Variants in DROSHA observed in about 807,000 individuals in gnomAD.
The protein encoded by DROSHA is ribonuclease 3.
Under a neutral mutation model 181.9 loss-of-function variants are expected in DROSHA, and 56 were observed. The observed-to-expected ratio is 0.31, with a 90% CI of 0.25 to 0.38. The LOEUF (loss-of-function observed/expected upper bound fraction) is 0.38, where lower values mean the gene tolerates loss of function less well. Ranked by LOEUF, DROSHA falls within the 10% of genes least tolerant of loss-of-function variation. The pLI is 1.00. For synonymous variants in DROSHA, 524 were observed against 591.2 expected (o/e 0.89, Z 1.65); for missense variants, 1,218 against 1,743.5 (o/e 0.70, Z 5.37).
At chr5:31,494,767 T>C (rs914318479) in intron 12 of DROSHA, among the ~76,000 whole-genome samples, 1 of 152,058 alleles carries the variant, frequency 6.6e-6, no homozygotes, top group Non-Finnish European at 1.5e-5. Context: ...CTCTGCCTCC[T>C]GGGTTCACGC....
intron 16 of DROSHA, among the ~76,000 whole-genome samples, chr5:31,473,323 TGAGAGAAAA>T (rs1403914429): frequency 1.3e-5 from 2 of 152,216 alleles, no homozygotes; most frequent in Non-Finnish European, 2.9e-5. Context: ...ACTGCATGTC[TGAGAGAAAA>T]GAGAGAAAAT....
intron 5 of DROSHA, among the ~76,000 whole-genome samples, chr5:31,523,660 A>T (rs764270198): frequency 2.6e-5 from 4 of 152,206 alleles, no homozygotes; most frequent in Non-Finnish European, 1.5e-5. Context: ...TAACATTTGC[A>T]CTATAAAACT....
chr5:31,437,431 T>C (rs1745005626), intron 23 of DROSHA, 133 bp from the exon 24 acceptor site: 5 of 785,912 alleles, frequency 6.4e-6, no homozygotes, highest in Admixed American at 3.0e-5. Context: ...TTCCTCATAA[T>C]TAAGAGCACA....
chr5:31,492,730 T>C (rs1033423879), intron 13 of DROSHA, among the ~76,000 whole-genome samples: 8 of 152,218 alleles, frequency 5.3e-5, no homozygotes, highest in Non-Finnish European at 1.2e-4. Flanking sequence ...TATAAAAATA[T>C]CATGAATCCA....
intron 35 of DROSHA, among the ~76,000 whole-genome samples, chr5:31,403,426 C>T (rs200572762): frequency 2.7e-5 from 4 of 148,774 alleles, no homozygotes; most frequent in Admixed American, 6.7e-5. Flanking sequence ...CATATATATA[C>T]ACACACACAC....
At chr5:31,513,380 A>G (rs1165075848) in intron 8 of DROSHA, among the ~76,000 whole-genome samples, 1 of 152,184 alleles carries the variant, frequency 6.6e-6, no homozygotes, top group African/African-American at 2.4e-5. Flanking sequence ...CAGCTTGTTT[A>G]AGTCCCACTT....
At chr5:31,460,509 C>G (rs2150022027) in intron 20 of DROSHA, among the ~76,000 whole-genome samples, 1 of 152,272 alleles carries the variant, frequency 6.6e-6, no homozygotes, top group East Asian at 1.9e-4. Context: ...CTGCAGAAAC[C>G]AGATAGCATC....
At chr5:31,414,411 C>T (rs750837981) in intron 30 of DROSHA, among the ~76,000 whole-genome samples, 1 of 152,168 alleles carries the variant, frequency 6.6e-6, no homozygotes, top group African/African-American at 2.4e-5. Context: ...GACTATTTTG[C>T]AAACAATGCC....
At chr5:31,510,051 G>GAAAAAAAA (rs4049955) in intron 9 of DROSHA, among the ~76,000 whole-genome samples, 5 of 112,658 alleles carry the variant, frequency 4.4e-5, no homozygotes, top group Non-Finnish European at 1.0e-4. Flanking sequence ...ACCACAATTT[G>GAAAAAAAA]AAAAAAAAAA....
intron 16 of DROSHA, among the ~76,000 whole-genome samples, chr5:31,481,749 T>C (rs565061022): frequency 2.6e-5 from 4 of 152,244 alleles, no homozygotes; most frequent in African/African-American, 9.6e-5. Flanking sequence ...GGAAAAAATC[T>C]TGAGAAAAAT....
At position 31,514,258 on chromosome 5, in the gene DROSHA, CACAT is replaced by C; in HGVS notation, c.1290+726_1290+729del. ...ACACACACACACACACACACACACACACATACACATACACACTACAAACTGCATA... is the reference window on the plus strand; with the variant it reads ...ACACACACACACACACACACACACACACACATACACACTACAAACTGCATA... On this transcript the variant is annotated intron_variant, in intron 8 of 35. Coordinates refer to ENST00000344624, the MANE Select transcript of DROSHA (RefSeq NM_001382508.1). The surrounding 1 kb of genome is among the most constrained non-coding windows in gnomAD (Gnocchi z 4.4). Among the ~76,000 whole-genome samples the C allele has an allele frequency of 7.3e-6, 1 of 136,062 alleles. No homozygotes were observed. Among genetic ancestry groups the C allele is most frequent in the Middle Eastern group, 3.6e-3 (1 of 276 alleles). 89.3% of individuals were successfully genotyped at this position (136,062 alleles called of 152,430 possible).
At chr5:31,414,323 G>T (rs999561308) in intron 30 of DROSHA, among the ~76,000 whole-genome samples, 2 of 152,136 alleles carry the variant, frequency 1.3e-5, no homozygotes, top group Admixed American at 6.5e-5. Context: ...TTACAAAGGG[G>T]AAATATCTAT....
chr5:31,501,568 C>T (rs1272153452), intron 11 of DROSHA, among the ~76,000 whole-genome samples: 2 of 152,128 alleles, frequency 1.3e-5, no homozygotes, highest in African/African-American at 2.4e-5. Flanking sequence ...GAGATGGTAC[C>T]GGTCCTATCT....
chr5:31,486,332 C>A (rs1300671090), intron 14 of DROSHA, among the ~76,000 whole-genome samples, 159 bp downstream of exon 14: 1 of 152,184 alleles, frequency 6.6e-6, no homozygotes, highest in Non-Finnish European at 1.5e-5. Context: ...AACCTTGATA[C>A]TAGAGCTACA....
intron 20 of DROSHA, among the ~76,000 whole-genome samples, chr5:31,458,290 C>A (rs150699521): frequency 8.5e-5 from 13 of 152,272 alleles, no homozygotes; most frequent in African/African-American, 3.1e-4. Flanking sequence ...CCCAAACAAA[C>A]AAGCAACTAT....
At chr5:31,420,402 T>G (rs565108473) in intron 30 of DROSHA, among the ~76,000 whole-genome samples, 9 of 152,350 alleles carry the variant, frequency 5.9e-5, no homozygotes, top group African/African-American at 1.9e-4. Context: ...GACCTCCTTC[T>G]GGATGTTTTG....
At chr5:31,499,693 T>G (rs1187889189) in intron 11 of DROSHA, among the ~76,000 whole-genome samples, 1 of 152,202 alleles carries the variant, frequency 6.6e-6, no homozygotes, top group Non-Finnish European at 1.5e-5. Flanking sequence ...GGAGGGCTGG[T>G]TAAATCTCAG....
intron 17 of DROSHA, among the ~76,000 whole-genome samples, chr5:31,468,296 T>C (rs1204674437): frequency 1.3e-5 from 2 of 152,354 alleles, no homozygotes; most frequent in Admixed American, 1.3e-4. Flanking sequence ...TTGTCCTTTT[T>C]TGCAGTCCAC....
intron 15 of DROSHA, among the ~76,000 whole-genome samples, chr5:31,484,373 TC>T (rs1441697014): frequency 4.5e-5 from 4 of 89,654 alleles, no homozygotes; most frequent in African/African-American, 2.1e-4. Context: ...AGAGCGAGAC[TC>T]CGTCTCAAAA....
Sources: gnomAD v4.1 joint callset for allele counts (sites outside exome capture counted in the v4.1 genomes callset) on GRCh38, gnomAD v4.1.1 for gene constraint, Gnocchi (gnomAD v3.1) non-coding constraint, MANE v1.5 for transcripts, NCBI Gene and HGNC (gene_info 2026-07-23, HGNC 2026-07-21) for gene names.